Variants in PLAC1 observed in about 807,000 individuals in gnomAD.
PLAC1 encodes the protein placenta associated 1, also known as placenta-specific protein 1.
For missense variants in PLAC1, 136 were observed against 163.2 expected (o/e 0.83, Z 0.91); for synonymous variants, 68 against 62.1 (o/e 1.09, Z -0.44).
rs142417356 is a variant in PLAC1 at position 134,676,345 on chromosome X, G to A, written n.174+57090C>T. On this transcript the variant is annotated intron_variant and non_coding_transcript_variant, in intron 2 of 2. Coordinates refer to the PLAC1 transcript ENST00000466797. Reference sequence around the variant, plus strand: ...TTTGTGACCGGAGCAGATAAGCTCCGCCGCACATACTGCTCCCTCCGCTGA... The same window carrying A: ...TTTGTGACCGGAGCAGATAAGCTCCACCGCACATACTGCTCCCTCCGCTGA... Among the ~76,000 whole-genome samples the A allele has an allele frequency of 4.7e-3, 527 of 110,952 alleles. 5 individuals carry two copies. Among genetic ancestry groups the A allele is most frequent in the African/African-American group, 0.016 (474 of 30,517 alleles).
At chrX:134,584,437 T>G (rs1272407410) in intron 2 of PLAC1, among the ~76,000 whole-genome samples, 1 of 111,801 alleles carries the variant, frequency 8.9e-6, no homozygotes, top group Admixed American at 9.4e-5. Context: ...TTAACACAGG[T>G]AAGCAATATG....
rs1042671101 is a variant in PLAC1 at position 134,744,700 on chromosome X, T to C, written n.90-11181A>G. On this transcript the variant is annotated intron_variant and non_coding_transcript_variant, in intron 1 of 2. Coordinates refer to the PLAC1 transcript ENST00000466797. ...TGGACTCAGATCAGAGTCTACCTGT[T>C]GACTCTCTGTGCTCTGCTATTTACA... Among the ~76,000 whole-genome samples the C allele has an allele frequency of 4.5e-5, 5 of 112,006 alleles. No individual in the cohort carries two copies. The Admixed American group carries it at 4.7e-4, about 11-fold the overall frequency.
chrX:134,643,056 A>G (rs887889686), intron 1 of PLAC1, among the ~76,000 whole-genome samples: 1 of 111,977 alleles, frequency 8.9e-6, no homozygotes, highest in African/African-American at 3.2e-5. Context: ...AGACTATATT[A>G]AAAAGTATAA....
intron 2 of PLAC1, among the ~76,000 whole-genome samples, chrX:134,666,784 T>C (rs1271240310): frequency 7.2e-5 from 8 of 111,767 alleles, no homozygotes; most frequent in Non-Finnish European, 1.9e-5. Context: ...GGCTTCTGGG[T>C]GTGCTAGGCT....
At chrX:134,703,011 A>T (rs1292826312) in intron 2 of PLAC1, among the ~76,000 whole-genome samples, 1 of 112,182 alleles carries the variant, frequency 8.9e-6, no homozygotes, top group Non-Finnish European at 1.9e-5. Flanking sequence ...AAAGAACACA[A>T]CCAAAAAAGG....
intron 2 of PLAC1, among the ~76,000 whole-genome samples, chrX:134,569,896 G>A (rs375225933): frequency 1.8e-5 from 2 of 109,717 alleles, no homozygotes; most frequent in South Asian, 7.9e-4. Context: ...CACGACCTTG[G>A]CTCACTGCAA....
chrX:134,569,930 ATTC>A (rs1187234701), intron 2 of PLAC1, among the ~76,000 whole-genome samples: 1 of 110,441 alleles, frequency 9.1e-6, no homozygotes, highest in Non-Finnish European at 1.9e-5. Flanking sequence ...GGTTCAAGCG[ATTC>A]TTCTGCCTCA....
chrX:134,568,578 C>A (rs1333178499), intron 2 of PLAC1, among the ~76,000 whole-genome samples: 1 of 111,693 alleles, frequency 9.0e-6, no homozygotes, highest in African/African-American at 3.2e-5. Context: ...TGCCAGGCTC[C>A]TTCCTCTTTG....
intron 2 of PLAC1, among the ~76,000 whole-genome samples, chrX:134,725,255 C>G (rs1026014059): frequency 7.2e-5 from 8 of 111,206 alleles, no homozygotes; most frequent in Non-Finnish European, 1.5e-4. Flanking sequence ...TTTTATATGG[C>G]CTGTGGGTCT....
chrX:134,585,220 C>A (rs936592167), intron 2 of PLAC1, among the ~76,000 whole-genome samples: 1 of 105,068 alleles, frequency 9.5e-6, no homozygotes, highest in South Asian at 4.5e-4. Context: ...GTGGCACGCG[C>A]CTGTAGCCCC....
intron 2 of PLAC1, chrX:134,601,037 T>G (rs1045827263): frequency 2.1e-5 from 2 of 94,201 alleles, no homozygotes; most frequent in African/African-American, 7.7e-5. Flanking sequence ...TTTCTATTAT[T>G]TCTTTCTAGT....
At chrX:134,657,345 C>A (rs766686232) in intron 1 of PLAC1, among the ~76,000 whole-genome samples, 1 of 112,111 alleles carries the variant, frequency 8.9e-6, no homozygotes, top group African/African-American at 3.2e-5. Context: ...CAAGCCAAAC[C>A]ATTGCAAGTT....
rs1399265581 is a variant in PLAC1 at position 134,753,358 on chromosome X, T to C, written n.89+10876A>G. On this transcript the variant is annotated intron_variant and non_coding_transcript_variant, in intron 1 of 2. Transcript: ENST00000466797. The stretch of plus-strand genomic sequence containing the variant: ...AGTTGCATGAAAGAGCGGGATCATG[T>C]AGAAAAGCAGATAAGCATCAGAAGC... 1.8e-5 allele frequency among the ~76,000 whole-genome samples: 2 copies of C among 111,419 alleles called. 1 individual carries two copies. Among genetic ancestry groups the C allele is most frequent in the Middle Eastern group, 8.4e-3 (2 of 238 alleles).
intron 1 of PLAC1, among the ~76,000 whole-genome samples, chrX:134,633,576 A>G (rs969351735): frequency 4.5e-5 from 5 of 111,924 alleles, no homozygotes; most frequent in African/African-American, 1.6e-4. Context: ...TTCTTCCAAG[A>G]AAGCAAGAGG....
At chrX:134,672,663 T>C (rs1225582190) in intron 2 of PLAC1, among the ~76,000 whole-genome samples, 2 of 112,689 alleles carry the variant, frequency 1.8e-5, no homozygotes, top group African/African-American at 3.2e-5. Context: ...CAAAGGATTC[T>C]TTCATAAGTC....
chrX:134,677,726 C>T (rs1383588014), intron 2 of PLAC1, among the ~76,000 whole-genome samples: 1 of 111,617 alleles, frequency 9.0e-6, no homozygotes, highest in Non-Finnish European at 1.9e-5. Context: ...CACTGGAAAA[C>T]CATCGCAGGT....
chrX:134,659,282 C>T (rs1196503050), upstream of PLAC1, among the ~76,000 whole-genome samples: 1 of 111,478 alleles, frequency 9.0e-6, no homozygotes, highest in Non-Finnish European at 1.9e-5. Flanking sequence ...CAGGAAGCTC[C>T]TCCCCTGCTC....
At chrX:134,676,105 A>G (rs914732357) in intron 2 of PLAC1, among the ~76,000 whole-genome samples, 1 of 112,344 alleles carries the variant, frequency 8.9e-6, no homozygotes, top group African/African-American at 3.2e-5. Context: ...TCGTACAGTC[A>G]TTCTACTAAG....
chrX:134,600,849 T>C (rs749918982), intron 2 of PLAC1: 6 of 110,743 alleles, frequency 5.4e-5, no homozygotes, highest in Non-Finnish European at 1.1e-4. Context: ...TCCCACAACG[T>C]AGGGATAATT....
Sources: gnomAD v4.1 joint callset for allele counts (sites outside exome capture counted in the v4.1 genomes callset) on GRCh38, gnomAD v4.1.1 for gene constraint, MANE v1.5 for transcripts, NCBI Gene and HGNC (gene_info 2026-07-23, HGNC 2026-07-21) for gene names.